ZNF330: variants seen among roughly 807,000 people sequenced by gnomAD.
ZNF330 encodes the protein zinc finger protein 330.
Under a neutral mutation model 45.5 loss-of-function variants are expected in ZNF330, and 31 were observed. The ratio of observed to expected loss-of-function variants is 0.68; its 90% CI spans 0.51 to 0.92. The LOEUF (loss-of-function observed/expected upper bound fraction) is 0.92, where lower values mean the gene tolerates loss of function less well. ZNF330 is among the 40% of genes least tolerant of loss of function. The pLI is 0.00. For synonymous variants in ZNF330, 138 were observed against 123.2 expected (o/e 1.12, Z -0.79); for missense variants, 356 against 387.4 (o/e 0.92, Z 0.68).
chr4:141,228,818 C>T (rs78951939), intron 5 of ZNF330, among the ~76,000 whole-genome samples: 2 of 151,862 alleles, frequency 1.3e-5, no homozygotes, highest in Non-Finnish European at 2.9e-5. Flanking sequence ...TAATCCAACT[C>T]GGGACTTGGA....
At chr4:141,227,305 C>T (rs77970628) in intron 5 of ZNF330, among the ~76,000 whole-genome samples, 1 of 151,820 alleles carries the variant, frequency 6.6e-6, no homozygotes, top group Non-Finnish European at 1.5e-5. Context: ...CAACAGTCCC[C>T]GGTTTGTGGT....
intron 8 of ZNF330, among the ~76,000 whole-genome samples, chr4:141,231,915 G>A (rs963940997): frequency 1.8e-4 from 28 of 152,068 alleles, no homozygotes; most frequent in Middle Eastern, 3.2e-3. Flanking sequence ...TCTCAGAAGC[G>A]TTTCTCTAGT....
intron 3 of ZNF330, 28 bp from the exon 4 acceptor site, chr4:141,224,579 A>G (rs2111248233): frequency 6.2e-7 from 1 of 1,611,424 alleles, no homozygotes. Context: ...CATTGACCAT[A>G]ATTTAAAATT....
chr4:141,222,461 T>C lies in ZNF330; in HGVS notation c.90T>C (p.Asp30=). 2 of 1,613,616 alleles carry C rather than the reference T, an allele frequency of 1.2e-6. No homozygotes were observed. Among genetic ancestry groups the C allele is most frequent in the Non-Finnish European group, 1.7e-6 (2 of 1,179,756 alleles). ...TAAGAGCATCAAGAAGCACTATAGATTTAGCTAAACATCCATGTAATGCCT... is the reference window on the plus strand; with the variant it reads ...TAAGAGCATCAAGAAGCACTATAGACTTAGCTAAACATCCATGTAATGCCT... ...KQLRASRSTI[D]LAKHPCNASM... Residue 30 remains aspartate (D), a synonymous_variant, in exon 2 of 10, where the codon GAT becomes GAC. Transcript: ENST00000262990.
Position 141,226,770 on chromosome 4 carries a change from A to G in ZNF330, c.215A>G (p.Lys72Arg). 3.1e-6 allele frequency: 5 copies of G among 1,612,738 alleles called. No homozygotes were observed. The highest frequency in any genetic ancestry group is 4.2e-6 in the Non-Finnish European group (5 of 1,179,150). Residue 72 changes from lysine (K) to arginine (R), a missense_variant, in exon 5 of 10, where the codon AAA becomes AGA. Physicochemically the swap from Lys to Arg is conservative, Grantham distance 26. Coordinates refer to ENST00000262990, the MANE Select transcript of ZNF330 (RefSeq NM_014487.6). ...TGCAAATGTTTTTCTTCATTAGGGA[A>G]AACAAAGTGCATGATGAAGTCTTCA... The part of the protein sequence containing the change: ...QKLPICAQCG[K>R]TKCMMKSSDC...
chr4:141,223,763 T>C (rs756360246), intron 2 of ZNF330: 1 of 456,194 alleles, frequency 2.2e-6, no homozygotes, highest in South Asian at 1.5e-5. Flanking sequence ...ACAATGTATT[T>C]ATTAGGACTA....
intron 1 of ZNF330, 39 bp from the exon 2 acceptor site, chr4:141,222,327 A>G (rs1346786617): frequency 1.9e-6 from 3 of 1,594,072 alleles, no homozygotes; most frequent in Non-Finnish European, 2.6e-6. Context: ...AAATGCAGTC[A>G]GTCAATTATA....
Position 141,226,780 on chromosome 4 carries a change from CATGA to C in ZNF330, c.226_229del (p.Met76Ter). 6.2e-7 allele frequency: 1 copy of C among 1,612,714 alleles called. No homozygotes were observed. Among genetic ancestry groups the C allele is most frequent in the East Asian group, 2.2e-5 (1 of 44,748 alleles). Reference sequence around the variant, plus strand: ...TTTCTTCATTAGGGAAAACAAAGTGCATGATGAAGTCTTCAGACTGTGTCATAAA... The same window carrying C: ...TTTCTTCATTAGGGAAAACAAAGTGCTGAAGTCTTCAGACTGTGTCATAAA... On this transcript the variant is annotated frameshift_variant, in exon 5 of 10. Transcript: ENST00000262990. LOFTEE classifies it high-confidence loss of function.
At chr4:141,226,151 G>A (rs541880795) in intron 4 of ZNF330, among the ~76,000 whole-genome samples, 69 of 152,214 alleles carry the variant, frequency 4.5e-4, no homozygotes, top group East Asian at 3.5e-3. Flanking sequence ...GAGGTTTAGT[G>A]GCTGTGTGGT....
chr4:141,232,590 T>A lies in ZNF330; in HGVS notation c.636T>A (p.Pro212=), dbSNP rs777490513. The change falls in exon 9 of 10, where the codon CCT becomes CCA. Residue 212 remains proline, a synonymous_variant. Coordinates refer to ENST00000262990, the MANE Select transcript of ZNF330 (RefSeq NM_014487.6). ...VFKQEKGKQP[P]CPKCGHETQE... The stretch of plus-strand genomic sequence containing the variant: ...AGCAAGAAAAAGGAAAACAGCCTCC[T>A]TGTCCTAAATGTGGGCATGAAACTC... 1.3e-6 allele frequency: 2 copies of A among 1,599,536 alleles called. No individual in the cohort carries two copies. Among genetic ancestry groups the A allele is most frequent in the Non-Finnish European group, 1.7e-6 (2 of 1,172,900 alleles).
chr4:141,224,723 G>C, intron 4 of ZNF330, 46 bp downstream of exon 4: 6 of 1,545,228 alleles, frequency 3.9e-6, no homozygotes, highest in Non-Finnish European at 5.4e-6. Context: ...TCAACTGGTA[G>C]TTCAACAATT....
intron 9 of ZNF330, 42 bp downstream of exon 9, chr4:141,232,684 TAC>T: frequency 8.9e-7 from 1 of 1,122,304 alleles, no homozygotes; most frequent in Non-Finnish European, 1.2e-6. Context: ...TTTGCTTTCA[TAC>T]TTAGACAAAG....
intron 2 of ZNF330, among the ~76,000 whole-genome samples, chr4:141,223,306 A>G (rs948967835): frequency 2.6e-5 from 4 of 152,016 alleles, no homozygotes; most frequent in African/African-American, 7.3e-5. Flanking sequence ...AATCTTAGGG[A>G]AAAATAGTTT....
At chr4:141,224,575 C>A in intron 3 of ZNF330, 32 bp from the exon 4 acceptor site, 2 of 1,610,574 alleles carry the variant, frequency 1.2e-6, no homozygotes, top group Non-Finnish European at 1.7e-6. Context: ...CTGACATTGA[C>A]CATAATTTAA....
Position 141,223,570 on chromosome 4 carries a change from G to C in ZNF330, c.121-917G>C, listed in dbSNP as rs146043272. Among the ~76,000 whole-genome samples the C allele has an allele frequency of 3.1e-3, 476 of 152,334 alleles. 1 individual carries two copies. The highest frequency in any genetic ancestry group is 0.011 in the Admixed American group (161 of 15,300). On this transcript the variant is annotated intron_variant, in intron 2 of 9. Transcript: ENST00000262990. ...TCTGAAAGGCTGGACTTCACCCAGT[G>C]CCTGTCCCAGGGCTAACATTTATTG... is the stretch of plus-strand genomic sequence containing the variant.
At chr4:141,226,251 G>A (rs564316418) in intron 4 of ZNF330, among the ~76,000 whole-genome samples, 7 of 152,088 alleles carry the variant, frequency 4.6e-5, no homozygotes, top group African/African-American at 1.7e-4. Flanking sequence ...TGGGGGCTTC[G>A]TTGTAAATTT....
At chr4:141,233,641 A>T (rs1483326689) in intron 9 of ZNF330, 74 bp from the exon 10 acceptor site, 2 of 1,474,156 alleles carry the variant, frequency 1.4e-6, no homozygotes, top group Middle Eastern at 2.4e-4. Flanking sequence ...AAATCCATGA[A>T]ATTTTATAGA....
rs975855497 is a variant in ZNF330 at position 141,231,455 on chromosome 4, G to T, written c.540G>T (p.Arg180=). The stretch of plus-strand genomic sequence containing the variant: ...TTCCCACAGGTGTTTCATGCAATCG[G>T]CTTGGTCAGCACTCATGTCTCCGTT... ...AETFKCVSCN[R]LGQHSCLRCK... Residue 180 remains arginine (R), a synonymous_variant, in exon 8 of 10, where the codon CGG becomes CGT. Coordinates refer to ENST00000262990, the MANE Select transcript of ZNF330 (RefSeq NM_014487.6). The T allele has an allele frequency of 1.9e-6, 3 of 1,597,654 alleles. No individual in the cohort carries two copies. Among genetic ancestry groups the T allele is most frequent in the Non-Finnish European group, 2.6e-6 (3 of 1,173,862 alleles).
chr4:141,232,447 C>A, intron 8 of ZNF330, 78 bp from the exon 9 acceptor site: 2 of 762,974 alleles, frequency 2.6e-6, no homozygotes, highest in African/African-American at 1.8e-5. Flanking sequence ...AAAGCTATAT[C>A]TTTAAAACAC....
Sources: allele counts gnomAD v4.1 joint callset (sites outside exome capture counted in the v4.1 genomes callset), GRCh38; gene constraint gnomAD v4.1.1; transcripts MANE v1.5; gene names NCBI Gene and HGNC (gene_info 2026-07-23, HGNC 2026-07-21).